SHTN1: variants seen among roughly 807,000 people sequenced by gnomAD.
SHTN1 encodes shootin-1.
A neutral mutation model predicts 83.1 loss-of-function variants in SHTN1; 42 were observed. The ratio of observed to expected loss-of-function variants is 0.51; its 90% CI spans 0.39 to 0.65. The LOEUF (loss-of-function observed/expected upper bound fraction) is 0.65, where lower values mean the gene tolerates loss of function less well. SHTN1 is among the 30% of genes least tolerant of loss of function. The pLI is 0.00. For synonymous variants in SHTN1, 224 were observed against 247.7 expected (o/e 0.90, Z 0.90); for missense variants, 622 against 737.8 (o/e 0.84, Z 1.82).
intron 1 of SHTN1, among the ~76,000 whole-genome samples, chr10:116,989,390 C>CA (rs1027729187): frequency 1.4e-4 from 21 of 151,870 alleles, no homozygotes; most frequent in African/African-American, 4.4e-4. Flanking sequence ...AAAACAAAAA[C>CA]AAAAAAACAA....
At chr10:116,965,749 C>T (rs1465359130) in intron 3 of SHTN1, among the ~76,000 whole-genome samples, 2 of 152,156 alleles carry the variant, frequency 1.3e-5, no homozygotes, top group Admixed American at 6.5e-5. Flanking sequence ...TTACTATATG[C>T]CAGGTACAGT....
rs1324666633 is a variant in SHTN1, at chr10:116,946,240, T to C, written c.617-1222A>G. Among the ~76,000 whole-genome samples, 3 of 148,752 alleles carry C rather than the reference T, an allele frequency of 2.0e-5. No homozygotes were observed. In the South Asian group the frequency reaches 6.3e-4, roughly 31 times the overall value. ...TAACAAAACATTTAATATGTATATA[T>C]GTAGAGAGAGTTTTTTTTAAGATTG... On this transcript the variant is annotated intron_variant, in intron 7 of 16. Transcript: ENST00000355371.
chr10:117,040,761 C>T (rs547592644), intron 2 of SHTN1, among the ~76,000 whole-genome samples: 5 of 152,138 alleles, frequency 3.3e-5, no homozygotes, highest in South Asian at 2.1e-4. Flanking sequence ...CAGTTTACTT[C>T]ACCTAAAATC....
At chr10:117,006,279 G>A (rs934017611), upstream of SHTN1, among the ~76,000 whole-genome samples, 4 of 150,938 alleles carry the variant, frequency 2.7e-5, no homozygotes. Context: ...AAGATTACAG[G>A]TCTGTGGCCG....
rs555295281 is a variant in SHTN1, at chr10:117,029,276, T to C, written c.-123+19169A>G. Among the ~76,000 whole-genome samples, 6 of 152,360 alleles carry C rather than the reference T, an allele frequency of 3.9e-5. No individual in the cohort carries two copies. In the East Asian group the frequency reaches 1.2e-3, roughly 29 times the overall value. ...TATTTACCTAATGTTTATACCTCCA[T>C]TGTATCTTGGAAGAAACTAACTTGT... On this transcript the variant is annotated intron_variant, in intron 2 of 17. Transcript: ENST00000392901.
intron 1 of SHTN1, among the ~76,000 whole-genome samples, chr10:116,998,559 C>T (rs984684126): frequency 6.6e-6 from 1 of 152,062 alleles, no homozygotes; most frequent in African/African-American, 2.4e-5. Context: ...TACGTATGCA[C>T]AGGAAAAAAC....
intron 2 of SHTN1, among the ~76,000 whole-genome samples, chr10:116,977,064 C>T (rs190839491): frequency 3.3e-5 from 5 of 152,268 alleles, no homozygotes; most frequent in East Asian, 1.9e-4. Flanking sequence ...ACTTGCATAA[C>T]GGATGATTCA....
At chr10:117,005,295 C>T, upstream of SHTN1, 4 of 1,408,324 alleles carry the variant, frequency 2.8e-6, no homozygotes, top group Admixed American at 2.6e-5. Context: ...GCAGGCGGGG[C>T]GGGGCGGGCC....
At chr10:117,055,387 T>A (rs900949340) in intron 1 of SHTN1, among the ~76,000 whole-genome samples, 10 of 152,206 alleles carry the variant, frequency 6.6e-5, no homozygotes, top group African/African-American at 2.4e-4. Context: ...AATAAACCTC[T>A]TTAAAATATT....
chr10:116,924,023 G>C (rs1848651933), intron 11 of SHTN1, among the ~76,000 whole-genome samples: 1 of 152,150 alleles, frequency 6.6e-6, no homozygotes, highest in African/African-American at 2.4e-5. Context: ...TATCTAGCTT[G>C]GGAACCAATC....
chr10:117,062,299 T>C (rs546659420), intron 1 of SHTN1, among the ~76,000 whole-genome samples: 20 of 152,342 alleles, frequency 1.3e-4, no homozygotes, highest in African/African-American at 4.8e-4. Context: ...TTTTTGACCA[T>C]ACATTTTAAG....
At chr10:117,086,575 T>C (rs946907421) in intron 1 of SHTN1, among the ~76,000 whole-genome samples, 1 of 152,220 alleles carries the variant, frequency 6.6e-6, no homozygotes, top group Admixed American at 6.5e-5. Flanking sequence ...TTTTATATAG[T>C]CCTACCTTCT....
intron 2 of SHTN1, among the ~76,000 whole-genome samples, chr10:117,021,600 T>G (rs1204334587): frequency 6.6e-6 from 1 of 152,178 alleles, no homozygotes; most frequent in African/African-American, 2.4e-5. Flanking sequence ...CAATCTAATT[T>G]TAGTGGCAGT....
intron 9 of SHTN1, among the ~76,000 whole-genome samples, chr10:116,933,870 T>C (rs1849058731): frequency 6.6e-6 from 1 of 152,252 alleles, no homozygotes; most frequent in African/African-American, 2.4e-5. Flanking sequence ...CTAACTGGCA[T>C]GAGATGGTAT....
intron 12 of SHTN1, among the ~76,000 whole-genome samples, chr10:116,915,867 A>G (rs1008983429): frequency 1.3e-5 from 2 of 152,188 alleles, no homozygotes; most frequent in Non-Finnish European, 2.9e-5. Flanking sequence ...TGTACATCCT[A>G]TGTCAAAGAA....
intron 1 of SHTN1, among the ~76,000 whole-genome samples, chr10:117,063,307 G>T (rs567714642): frequency 6.6e-6 from 1 of 152,300 alleles, no homozygotes; most frequent in East Asian, 1.9e-4. Context: ...AGCGACTTTA[G>T]AAGTGAAGTG....
At chr10:116,970,766 G>C (rs1460661361) in intron 2 of SHTN1, among the ~76,000 whole-genome samples, 1 of 149,036 alleles carries the variant, frequency 6.7e-6, no homozygotes, top group Non-Finnish European at 1.5e-5. Flanking sequence ...AGATATATCA[G>C]ATATATCAAA....
chr10:116,936,539 T>C (rs1369953669), intron 9 of SHTN1, among the ~76,000 whole-genome samples: 2 of 152,032 alleles, frequency 1.3e-5, no homozygotes, highest in Non-Finnish European at 2.9e-5. Flanking sequence ...AGAGACTGTT[T>C]ATGATTTCCA....
intron 1 of SHTN1, among the ~76,000 whole-genome samples, chr10:117,080,748 C>T (rs1853248079): frequency 2.9e-5 from 2 of 69,572 alleles, no homozygotes; most frequent in Non-Finnish European, 5.8e-5. Flanking sequence ...TGAAGAGGTC[C>T]TTCACATCCC....
Sources: gnomAD v4.1 joint callset for allele counts (sites outside exome capture counted in the v4.1 genomes callset) on GRCh38, gnomAD v4.1.1 for gene constraint, MANE v1.5 for transcripts, NCBI Gene and HGNC (gene_info 2026-07-23, HGNC 2026-07-21) for gene names.